WSCD2: variants seen among roughly 807,000 people sequenced by gnomAD.
WSCD2 encodes the protein sialate:O-sulfotransferase 2.
Under a neutral mutation model 55.7 loss-of-function variants are expected in WSCD2, and 28 were observed. That is an observed-to-expected ratio of 0.50 (90% CI 0.37 to 0.69). WSCD2 has a LOEUF of 0.69. WSCD2 is among the 30% of genes least tolerant of loss of function. The pLI is 0.00. For missense variants in WSCD2, 616 were observed against 762.1 expected (o/e 0.81, Z 2.26); for synonymous variants, 301 against 301.9 (o/e 1.00, Z 0.03).
chr12:108,184,898 TG>T (rs2137012439), intron 1 of WSCD2, among the ~76,000 whole-genome samples: 1 of 152,302 alleles, frequency 6.6e-6, no homozygotes, highest in South Asian at 2.1e-4. Context: ...CAGGCTTTCT[TG>T]TAGCTCTGTC....
intron 2 of WSCD2, among the ~76,000 whole-genome samples, chr12:108,205,922 A>C (rs1351515553): frequency 1.3e-5 from 2 of 152,212 alleles, no homozygotes; most frequent in Admixed American, 1.3e-4. Context: ...GCTTGTAGAG[A>C]TAGCAACATG....
At chr12:108,165,412 G>A (rs1298531352) in intron 1 of WSCD2, among the ~76,000 whole-genome samples, 3 of 151,916 alleles carry the variant, frequency 2.0e-5, no homozygotes, top group Non-Finnish European at 4.4e-5. Flanking sequence ...TGTTTTTTTT[G>A]GTACAGACAG....
At chr12:108,232,688 C>G in intron 6 of WSCD2, 43 bp from the exon 7 acceptor site, 1 of 1,556,274 alleles carries the variant, frequency 6.4e-7, no homozygotes. Flanking sequence ...CAGGCTCCAT[C>G]TGCCCCTGGT....
At chr12:108,160,887 C>T (rs979882168) in intron 1 of WSCD2, among the ~76,000 whole-genome samples, 8 of 152,206 alleles carry the variant, frequency 5.3e-5, no homozygotes, top group Non-Finnish European at 1.0e-4. Flanking sequence ...CTGACATTGA[C>T]GAGCTTTGCA....
At chr12:108,203,473 C>T (rs1884960513) in intron 2 of WSCD2, among the ~76,000 whole-genome samples, 1 of 152,128 alleles carries the variant, frequency 6.6e-6, no homozygotes, top group Non-Finnish European at 1.5e-5. Context: ...ATGTGTCCTT[C>T]CTTGAAGCAA....
intron 1 of WSCD2, among the ~76,000 whole-genome samples, chr12:108,191,222 T>C (rs1172109427): frequency 6.6e-6 from 1 of 152,216 alleles, no homozygotes; most frequent in Non-Finnish European, 1.5e-5. Flanking sequence ...GGAGAACGTA[T>C]TTGTAAAACC....
intron 1 of WSCD2, among the ~76,000 whole-genome samples, chr12:108,178,995 T>C (rs1290241209): frequency 6.6e-6 from 1 of 152,322 alleles, no homozygotes; most frequent in South Asian, 2.1e-4. Flanking sequence ...CTAGAAAGGT[T>C]CTGGGACACA....
chr12:108,156,889 C>T (rs1257601918), intron 1 of WSCD2, among the ~76,000 whole-genome samples: 7 of 152,186 alleles, frequency 4.6e-5, no homozygotes, highest in Non-Finnish European at 7.4e-5. Flanking sequence ...GAGCAACAGG[C>T]GAACCTCTGC....
Position 108,248,387 on chromosome 12 carries a change from C to T in WSCD2, c.*44C>T, listed in dbSNP as rs1424080409. 1 of 1,576,688 alleles carries T rather than the reference C, an allele frequency of 6.3e-7. No individual in the cohort carries two copies. Among genetic ancestry groups the T allele is most frequent in the African/African-American group, 1.3e-5 (1 of 74,272 alleles). On this transcript the variant is annotated 3_prime_UTR_variant, in exon 9 of 9. Coordinates refer to ENST00000547525, the MANE Select transcript of WSCD2 (RefSeq NM_014653.4). This position sits in a 1 kb window ranked among gnomAD's most constrained non-coding sequence, Gnocchi z 4.3. ...GGGTAGACTGGGAGTCCTGACCACG[C>T]AGGCCCTGGGGACTCAAGACCCCTG...
intron 8 of WSCD2, among the ~76,000 whole-genome samples, chr12:108,245,723 A>AAAGGAG (rs1351140494): frequency 7.2e-5 from 11 of 152,222 alleles, no homozygotes; most frequent in African/African-American, 2.7e-4. Context: ...GAGTGGGGAA[A>AAAGGAG]TTCTGAAAAA....
intron 2 of WSCD2, among the ~76,000 whole-genome samples, chr12:108,203,383 G>A (rs117581860): frequency 0.012 from 1,843 of 152,276 alleles, 16 homozygotes; most frequent in Non-Finnish European, 0.019. Context: ...TGGGCTGGTG[G>A]TAGCTCTGGG....
chr12:108,237,652 A>ATAG (rs1889375881), intron 7 of WSCD2, among the ~76,000 whole-genome samples: 1 of 152,224 alleles, frequency 6.6e-6, no homozygotes, highest in South Asian at 2.1e-4. Flanking sequence ...CTTTCCAGAC[A>ATAG]TAGTACTCTT....
chr12:108,170,417 T>C (rs1208902397), intron 1 of WSCD2, among the ~76,000 whole-genome samples: 5 of 152,138 alleles, frequency 3.3e-5, no homozygotes, highest in Non-Finnish European at 7.3e-5. Context: ...ATGCTGCTGA[T>C]GATGGCAGGG....
chr12:108,207,881 C>T (rs1370760278), intron 3 of WSCD2, among the ~76,000 whole-genome samples: 1 of 151,958 alleles, frequency 6.6e-6, no homozygotes, highest in African/African-American at 2.4e-5. Context: ...CTACACAGCC[C>T]CTGGCCTTAA....
intron 1 of WSCD2, among the ~76,000 whole-genome samples, chr12:108,139,143 G>A (rs1876522321): frequency 6.6e-6 from 1 of 152,232 alleles, no homozygotes; most frequent in Admixed American, 6.5e-5. Context: ...GAGAAGAGCA[G>A]CCTCAGCTTA....
intron 1 of WSCD2, among the ~76,000 whole-genome samples, chr12:108,165,947 T>C (rs1879554628): frequency 6.6e-6 from 1 of 152,190 alleles, no homozygotes; most frequent in African/African-American, 2.4e-5. Flanking sequence ...TAGCAAGCAT[T>C]TGAGAGGTGT....
At chr12:108,172,913 A>G (rs1880381689) in intron 1 of WSCD2, among the ~76,000 whole-genome samples, 2 of 152,134 alleles carry the variant, frequency 1.3e-5, no homozygotes, top group South Asian at 4.1e-4. Flanking sequence ...CCTAATCTTA[A>G]ATGGGAAGTG....
chr12:108,174,031 C>G (rs1390141374), intron 1 of WSCD2, among the ~76,000 whole-genome samples: 1 of 152,114 alleles, frequency 6.6e-6, no homozygotes, highest in Non-Finnish European at 1.5e-5. Flanking sequence ...ACAGCGTCAT[C>G]TCACTTGGTC....
At position 108,248,200 on chromosome 12, in the gene WSCD2, A is replaced by C. The variant is rs778558617; in HGVS notation, c.1555A>C (p.Lys519Gln). Residue 519 changes from lysine to glutamine, a missense_variant, in exon 9 of 9, where the codon AAG (lysine) becomes CAG (glutamine). Physicochemically the swap from Lys to Gln is moderately conservative, Grantham distance 53. Around this residue, in one of 3 missense-constraint regions of WSCD2, gnomAD observed 234 missense variants for 264.6 expected, o/e 0.88. Transcript: ENST00000547525. This position sits in a 1 kb window ranked among gnomAD's most constrained non-coding sequence, Gnocchi z 4.3. ...CVESQKDGNF[K>Q]RSGLRKLEYD... ...GGAGAGCCAGAAGGATGGCAACTTC[A>C]AGCGCTCAGGGCTCCGGAAGCTCGA... 1.9e-6 allele frequency: 3 copies of C among 1,614,214 alleles called. No homozygotes were observed.
Sources: allele counts gnomAD v4.1 joint callset (sites outside exome capture counted in the v4.1 genomes callset), GRCh38; gene constraint gnomAD v4.1.1; regional missense constraint gnomAD v4.1.1; non-coding constraint Gnocchi (gnomAD v3.1); transcripts MANE v1.5; gene names NCBI Gene and HGNC (gene_info 2026-07-23, HGNC 2026-07-21).